Variants in SLC1A1 observed in about 807,000 individuals in gnomAD.
SLC1A1 encodes excitatory amino acid transporter 3.
Under a neutral mutation model 53.3 loss-of-function variants are expected in SLC1A1, and 43 were observed. That is an observed-to-expected ratio of 0.81 (90% CI 0.63 to 1.04). The LOEUF (loss-of-function observed/expected upper bound fraction) is 1.04, where lower values mean the gene tolerates loss of function less well. Among genes scored for constraint, SLC1A1 ranks in the 50% least tolerant of loss-of-function variants. SLC1A1 has a pLI of 0.00. For synonymous variants in SLC1A1, 307 were observed against 243.2 expected (o/e 1.26, Z -2.44); for missense variants, 748 against 664.9 (o/e 1.12, Z -1.37).
At chr9:4,535,562 T>A (rs1476128993) in intron 1 of SLC1A1, among the ~76,000 whole-genome samples, 1 of 152,050 alleles carries the variant, frequency 6.6e-6, no homozygotes. Flanking sequence ...TAAAAGAGGA[T>A]ACAAACAAAT....
intron 1 of SLC1A1, among the ~76,000 whole-genome samples, chr9:4,509,248 AT>A (rs1476041292): frequency 6.6e-6 from 1 of 152,088 alleles, no homozygotes; most frequent in Non-Finnish European, 1.5e-5. Flanking sequence ...ATCTGCTGGG[AT>A]TGGGGGGTGA....
chr9:4,525,615 G>A (rs945745828), intron 1 of SLC1A1, among the ~76,000 whole-genome samples: 4 of 152,060 alleles, frequency 2.6e-5, no homozygotes, highest in Non-Finnish European at 5.9e-5. Flanking sequence ...AAAACAGGTG[G>A]AATAGAAACT....
Position 4,544,726 on chromosome 9 carries a change from T to G in SLC1A1, c.232+19T>G. On this transcript the variant is annotated intron_variant, in intron 2 of 11. Transcript: ENST00000262352. ...ATTACAGGTACCTTGAGAAAACAGA[T>G]GTTCTCTATATTAGTCCATTTTCAT... 1 of 1,598,100 alleles carries G rather than the reference T, an allele frequency of 6.3e-7. No homozygotes were observed. The highest frequency in any genetic ancestry group is 8.6e-7 in the Non-Finnish European group (1 of 1,165,918).
In SLC1A1 at chr9:4,583,740, T is replaced by C. The variant is rs1407373759; in HGVS notation, c.1328+568T>C. On this transcript the variant is annotated intron_variant, in intron 11 of 11. Coordinates refer to ENST00000262352, the MANE Select transcript of SLC1A1 (RefSeq NM_004170.6). The surrounding 1 kb of genome is among the most constrained non-coding windows in gnomAD (Gnocchi z 4.6). Reference sequence around the variant, plus strand: ...TTGTTTTAAGGACTGAGTGAGCTCATGTGAGTGGAGCATCTAGAACAGCGT... The same window carrying C: ...TTGTTTTAAGGACTGAGTGAGCTCACGTGAGTGGAGCATCTAGAACAGCGT... Among the ~76,000 whole-genome samples the C allele has an allele frequency of 6.6e-6, 1 of 152,156 alleles. No individual in the cohort carries two copies. The highest frequency in any genetic ancestry group is 6.5e-5 in the Admixed American group (1 of 15,280).
chr9:4,493,192 G>T (rs1367038673), intron 1 of SLC1A1, among the ~76,000 whole-genome samples: 2 of 152,182 alleles, frequency 1.3e-5, no homozygotes, highest in Non-Finnish European at 1.5e-5. Flanking sequence ...CTAGATATTT[G>T]TTCCTTCAGA....
Position 4,490,759 on chromosome 9 carries a change from C to G in SLC1A1, c.80C>G (p.Ala27Gly). The change falls in exon 1 of 12, where the codon GCG (alanine) becomes GGG (glycine). Residue 27 changes from alanine to glycine, a missense_variant. Transcript: ENST00000262352. ...NNWVLLSTVA[A>G]VVLGITTGVL... ...TGGGTGTTGCTGTCCACCGTGGCCG[C>G]GGTGGTGCTAGGTGAGCGGCGCGGC... The G allele has an allele frequency of 1.2e-6, 2 of 1,612,174 alleles. No homozygotes were observed. Among genetic ancestry groups the G allele is most frequent in the Non-Finnish European group, 1.7e-6 (2 of 1,178,688 alleles).
At chr9:4,573,612 T>A (rs1820267893) in intron 7 of SLC1A1, among the ~76,000 whole-genome samples, 2 of 152,216 alleles carry the variant, frequency 1.3e-5, no homozygotes, top group Admixed American at 6.5e-5. Flanking sequence ...ATATATGCAC[T>A]AGGAACACGG....
At chr9:4,532,822 G>A (rs1202328162) in intron 1 of SLC1A1, among the ~76,000 whole-genome samples, 1 of 152,116 alleles carries the variant, frequency 6.6e-6, no homozygotes, top group African/African-American at 2.4e-5. Context: ...AGAAAGGTCG[G>A]GTTACCCACA....
intron 1 of SLC1A1, among the ~76,000 whole-genome samples, chr9:4,514,123 A>G (rs948513006): frequency 2.5e-4 from 38 of 152,312 alleles, no homozygotes; most frequent in African/African-American, 5.1e-4. Context: ...GATGGTGGCT[A>G]TAAGAATTTT....
chr9:4,538,604 C>T (rs1816760773), intron 1 of SLC1A1, among the ~76,000 whole-genome samples: 1 of 152,142 alleles, frequency 6.6e-6, no homozygotes, highest in African/African-American at 2.4e-5. Context: ...TGAATTTTTG[C>T]ATTTATTTTT....
chr9:4,562,541 T>C (rs890966239), intron 3 of SLC1A1, among the ~76,000 whole-genome samples: 11 of 152,178 alleles, frequency 7.2e-5, no homozygotes, highest in African/African-American at 2.2e-4. Flanking sequence ...GGGAGAAAAT[T>C]CTAATAAGGG....
In SLC1A1 at chr9:4,583,618, G is replaced by C. The variant is rs533936757; in HGVS notation, c.1328+446G>C. Among the ~76,000 whole-genome samples the C allele has an allele frequency of 6.6e-6, 1 of 152,232 alleles. No individual in the cohort carries two copies. The highest frequency in any genetic ancestry group is 2.4e-5 in the African/African-American group (1 of 41,542). Reference sequence around the variant, plus strand: ...GCACTTGGGTTTGAATCTCCGTCCTGTGTCTTACCAGCTTCTTGACCTCGA... The same window carrying C: ...GCACTTGGGTTTGAATCTCCGTCCTCTGTCTTACCAGCTTCTTGACCTCGA... On this transcript the variant is annotated intron_variant, in intron 11 of 11. Transcript: ENST00000262352. This position sits in a 1 kb window ranked among gnomAD's most constrained non-coding sequence, Gnocchi z 4.6.
Position 4,566,704 on chromosome 9 carries a change from AAAT to A in SLC1A1, c.483+617_483+619del, listed in dbSNP as rs1564049751. 3.3e-5 allele frequency among the ~76,000 whole-genome samples: 5 copies of A among 152,172 alleles called. No individual in the cohort carries two copies. The East Asian group carries it at 9.6e-4, about 29-fold the overall frequency. On this transcript the variant is annotated intron_variant, in intron 5 of 11. Coordinates refer to ENST00000262352, the MANE Select transcript of SLC1A1 (RefSeq NM_004170.6). ...CTCTAAAAAGAAATAATTTAAAAAAAAATATAAAAAATCGTTGTATCCCCATTG... is the reference window on the plus strand; with the variant it reads ...CTCTAAAAAGAAATAATTTAAAAAAAATAAAAAATCGTTGTATCCCCATTG...
chr9:4,491,310 G>C (rs868082078), intron 1 of SLC1A1, among the ~76,000 whole-genome samples: 1 of 152,172 alleles, frequency 6.6e-6, no homozygotes, highest in East Asian at 1.9e-4. Context: ...GCGTGGAAAG[G>C]TGCCTTCCCA....
intron 1 of SLC1A1, among the ~76,000 whole-genome samples, chr9:4,517,501 G>A (rs189635618): frequency 2.0e-5 from 3 of 152,120 alleles, no homozygotes; most frequent in Non-Finnish European, 4.4e-5. Context: ...CAAGACCACG[G>A]GAGGCTTCTT....
chr9:4,559,596 C>T (rs1197587978), intron 2 of SLC1A1, among the ~76,000 whole-genome samples: 1 of 152,118 alleles, frequency 6.6e-6, no homozygotes. Context: ...ATAAAAGTTA[C>T]CTATGCATGC....
At chr9:4,519,292 A>C in intron 1 of SLC1A1, among the ~76,000 whole-genome samples, 1 of 152,270 alleles carries the variant, frequency 6.6e-6, no homozygotes, top group East Asian at 1.9e-4. Context: ...ATAATGCATG[A>C]CATTGGTTTA....
At chr9:4,536,835 C>T (rs1259439509) in intron 1 of SLC1A1, among the ~76,000 whole-genome samples, 2 of 152,122 alleles carry the variant, frequency 1.3e-5, no homozygotes, top group Non-Finnish European at 2.9e-5. Flanking sequence ...AAATGTGGCA[C>T]ATATACACCA....
At position 4,585,432 on chromosome 9, in the gene SLC1A1, T is replaced by C. The variant is rs774705844; in HGVS notation, c.1449T>C (p.Asn483=). 1.9e-6 allele frequency: 3 copies of C among 1,614,174 alleles called. No individual in the cohort carries two copies. In the South Asian group the frequency reaches 3.3e-5, roughly 18 times the overall value. Residue 483 remains asparagine (N), a synonymous_variant, in exon 12 of 12, where the codon AAT becomes AAC. Transcript: ENST00000262352. The part of the protein sequence containing the change: ...MDVSSEVNIV[N]PFALESTILD... The stretch of plus-strand genomic sequence containing the variant: ...TTTCATCTGAAGTCAACATTGTGAA[T>C]CCCTTTGCCTTGGAATCCACAATCC...
Sources: gnomAD v4.1 joint callset for allele counts (sites outside exome capture counted in the v4.1 genomes callset) on GRCh38, gnomAD v4.1.1 for gene constraint, Gnocchi (gnomAD v3.1) non-coding constraint, MANE v1.5 for transcripts, NCBI Gene and HGNC (gene_info 2026-07-23, HGNC 2026-07-21) for gene names.